The following ADAMTS12 variants were observed in gnomAD, a reference collection of about 807,000 sequenced individuals.
ADAMTS12 encodes A disintegrin and metalloproteinase with thrombospondin motifs 12.
In ADAMTS12, 118 loss-of-function variants were observed where a neutral mutation model predicts 167.8. The observed-to-expected ratio is 0.70, with a 90% CI of 0.61 to 0.82. The LOEUF (loss-of-function observed/expected upper bound fraction) is 0.82, where lower values mean the gene tolerates loss of function less well. ADAMTS12 is among the 40% of genes least tolerant of loss of function. ADAMTS12 has a pLI of 0.00. For synonymous variants in ADAMTS12, 704 were observed against 716.9 expected (o/e 0.98, Z 0.29); for missense variants, 1,916 against 1,998.8 (o/e 0.96, Z 0.79).
rs76059993 is a variant in ADAMTS12 at position 33,582,510 on chromosome 5, G to C, written c.2866-5350C>G. 3.3e-3 allele frequency among the ~76,000 whole-genome samples: 510 copies of C among 152,320 alleles called. 1 individual carries two copies. Among genetic ancestry groups the C allele is most frequent in the African/African-American group, 0.012 (482 of 41,562 alleles). On this transcript the variant is annotated intron_variant, in intron 18 of 23. Coordinates refer to ENST00000504830, the MANE Select transcript of ADAMTS12 (RefSeq NM_030955.4). The stretch of plus-strand genomic sequence containing the variant: ...CCCACTTAGCAATAGACATAGCATT[G>C]CCATTTGCTGCCACGTCTTCTATCC...
At chr5:33,608,225 A>T (rs1738541767) in intron 16 of ADAMTS12, among the ~76,000 whole-genome samples, 1 of 152,232 alleles carries the variant, frequency 6.6e-6, no homozygotes, top group Non-Finnish European at 1.5e-5. Context: ...CACAAAAAGC[A>T]TCAAGCACAG....
At chr5:33,891,367 A>G (rs1750843269) in intron 1 of ADAMTS12, among the ~76,000 whole-genome samples, 1 of 148,196 alleles carries the variant, frequency 6.7e-6, no homozygotes, top group South Asian at 2.2e-4. Context: ...GTTAGCACTT[A>G]AAAAAAAAAT....
At chr5:33,555,359 C>T (rs150937920) in intron 20 of ADAMTS12, among the ~76,000 whole-genome samples, 1 of 152,318 alleles carries the variant, frequency 6.6e-6, no homozygotes, top group Admixed American at 6.5e-5. Context: ...ATCCGTCCAC[C>T]TCAGCCTCCC....
intron 14 of ADAMTS12, among the ~76,000 whole-genome samples, chr5:33,619,114 A>G (rs1240500292): frequency 6.6e-6 from 1 of 152,124 alleles, no homozygotes; most frequent in Non-Finnish European, 1.5e-5. Flanking sequence ...TATCAAAAGA[A>G]CTTCAAAAGG....
intron 3 of ADAMTS12, among the ~76,000 whole-genome samples, chr5:33,726,505 A>G (rs375649570): frequency 4.9e-4 from 75 of 152,354 alleles, no homozygotes; most frequent in African/African-American, 1.7e-3. Flanking sequence ...CACCCAGAAC[A>G]GATTCAGAGA....
intron 2 of ADAMTS12, among the ~76,000 whole-genome samples, chr5:33,830,406 T>C (rs1247709429): frequency 6.6e-6 from 1 of 152,168 alleles, no homozygotes; most frequent in Non-Finnish European, 1.5e-5. Context: ...CAGAAAATGG[T>C]CAGCCTACCA....
chr5:33,576,229 C>G lies in ADAMTS12; in HGVS notation c.3797G>C (p.Arg1266Pro), dbSNP rs752972657. Residue 1266 changes from arginine to proline, a missense_variant, in exon 19 of 24, where the codon CGT (arginine) becomes CCT (proline). Physicochemically the swap from Arg to Pro is moderately radical, Grantham distance 103. Transcript: ENST00000504830. ...GTTGTTTGGAAGTTTCAGGTGGTTA[C>G]GGTTTGCCGTCTTTCCTGAGGGTTC... is the stretch of plus-strand genomic sequence containing the variant. ...QPEPSGKTAN[R>P]NHLKLPNNMN... 10 of 1,614,188 alleles carry G rather than the reference C, an allele frequency of 6.2e-6. No individual in the cohort carries two copies. In the East Asian group the frequency reaches 2.2e-4, roughly 36 times the overall value.
At chr5:33,595,032 G>A (rs576974501) in intron 17 of ADAMTS12, among the ~76,000 whole-genome samples, 9 of 152,234 alleles carry the variant, frequency 5.9e-5, no homozygotes, top group Admixed American at 2.0e-4. Context: ...CCTGTTTAAG[G>A]TTGCCAGAGA....
intron 18 of ADAMTS12, among the ~76,000 whole-genome samples, chr5:33,578,552 G>A (rs1746879464): frequency 6.6e-6 from 1 of 152,062 alleles, no homozygotes; most frequent in Non-Finnish European, 1.5e-5. Context: ...AGGACACAGT[G>A]ATCACCTTAT....
At chr5:33,741,690 C>G (rs1305923346) in intron 3 of ADAMTS12, among the ~76,000 whole-genome samples, 3 of 152,002 alleles carry the variant, frequency 2.0e-5, no homozygotes, top group Admixed American at 2.0e-4. Context: ...TGCAGTGGTG[C>G]GATCTCAGCT....
chr5:33,795,952 G>A (rs1260147077), intron 2 of ADAMTS12, among the ~76,000 whole-genome samples: 1 of 152,134 alleles, frequency 6.6e-6, no homozygotes, highest in Non-Finnish European at 1.5e-5. Context: ...ATCTTTCTGG[G>A]CACATGAAGA....
intron 20 of ADAMTS12, among the ~76,000 whole-genome samples, chr5:33,554,831 G>A (rs1745418859): frequency 6.6e-6 from 1 of 152,180 alleles, no homozygotes; most frequent in Admixed American, 6.5e-5. Flanking sequence ...AGAAGGACTA[G>A]TTAGCAAATA....
At chr5:33,605,479 A>G (rs1738387170) in intron 16 of ADAMTS12, among the ~76,000 whole-genome samples, 1 of 101,630 alleles carries the variant, frequency 9.8e-6, no homozygotes, top group Non-Finnish European at 2.1e-5. Flanking sequence ...AAAAATGACA[A>G]CTGGAAAACT....
chr5:33,575,881 A>T (rs1044157865), intron 19 of ADAMTS12, among the ~76,000 whole-genome samples, 173 bp downstream of exon 19: 2 of 152,012 alleles, frequency 1.3e-5, no homozygotes, highest in Non-Finnish European at 1.5e-5. Context: ...TTTTTTTTCC[A>T]TTTAAAGAGT....
chr5:33,623,655 T>G (rs7715934), intron 14 of ADAMTS12, among the ~76,000 whole-genome samples: 22,380 of 152,054 alleles, frequency 0.15, 2,006 homozygotes, highest in African/African-American at 0.25. Flanking sequence ...TGTCTGGAAA[T>G]TCATAAGGGA....
At chr5:33,743,589 G>C (rs1031562352) in intron 3 of ADAMTS12, among the ~76,000 whole-genome samples, 1 of 152,122 alleles carries the variant, frequency 6.6e-6, no homozygotes, top group African/African-American at 2.4e-5. Context: ...TCAATATTTT[G>C]TTCACCCTTG....
intron 14 of ADAMTS12, among the ~76,000 whole-genome samples, chr5:33,617,382 G>A (rs537075072): frequency 1.6e-3 from 239 of 152,222 alleles, no homozygotes; most frequent in Non-Finnish European, 2.6e-3. Context: ...AAAGAAGTAT[G>A]GGGTCCTAGG....
At chr5:33,868,546 C>T (rs780700665) in intron 2 of ADAMTS12, among the ~76,000 whole-genome samples, 1 of 152,122 alleles carries the variant, frequency 6.6e-6, no homozygotes, top group Non-Finnish European at 1.5e-5. Context: ...ATCTATGGGA[C>T]TTTGAACTTG....
intron 7 of ADAMTS12, among the ~76,000 whole-genome samples, chr5:33,650,340 A>T (rs1005392603): frequency 2.0e-5 from 3 of 152,208 alleles, no homozygotes; most frequent in African/African-American, 7.2e-5. Context: ...TAGTCATCCT[A>T]GTGCTACAAT....
Sources: allele counts gnomAD v4.1 joint callset (sites outside exome capture counted in the v4.1 genomes callset), GRCh38; gene constraint gnomAD v4.1.1; transcripts MANE v1.5; gene names NCBI Gene and HGNC (gene_info 2026-07-23, HGNC 2026-07-21).